The following ADAP1 variants were observed in gnomAD, a reference collection of about 807,000 sequenced individuals.
ADAP1 encodes the protein ArfGAP with dual PH domains 1, also known as arf-GAP with dual PH domain-containing protein 1.
Under a neutral mutation model 54.9 loss-of-function variants are expected in ADAP1, and 31 were observed. The observed-to-expected ratio is 0.56, with a 90% CI of 0.42 to 0.76. The LOEUF is 0.76. Among genes scored for constraint, ADAP1 ranks in the 30% least tolerant of loss-of-function variants. The pLI is 0.00. For missense variants in ADAP1, 535 were observed against 512.4 expected (o/e 1.04, Z -0.42); for synonymous variants, 313 against 202.6 (o/e 1.55, Z -4.63).
At chr7:906,505 GAGAAAGGA>G (rs1473987015) in intron 4 of ADAP1, among the ~76,000 whole-genome samples, 26 of 4,266 alleles carry the variant, frequency 6.1e-3, no homozygotes, top group Admixed American at 9.3e-3. Flanking sequence ...AGGAGAAAGG[GAGAAAGGA>G]GAAAGGAGAA....
At position 906,705 on chromosome 7, in the gene ADAP1, G is replaced by C. The variant is rs555826016; in HGVS notation, c.389-1533C>G. ...GGGGACACGGGGGACATGGACATGG[G>C]GGACGGGACATCGGGGACGGGACAT... On this transcript the variant is annotated intron_variant, in intron 4 of 10. Coordinates refer to ENST00000265846, the MANE Select transcript of ADAP1 (RefSeq NM_006869.4). Among the ~76,000 whole-genome samples, 2 of 32,582 alleles carry C rather than the reference G, an allele frequency of 6.1e-5. 1 individual carries two copies. Among genetic ancestry groups the C allele is most frequent in the African/African-American group, 2.7e-4 (2 of 7,412 alleles). The allele number at this position is 32,582 out of a possible 152,430, so 21.4% of individuals were successfully genotyped here.
chr7:944,104 A>T (rs1259227501), intron 1 of ADAP1, among the ~76,000 whole-genome samples: 3 of 151,894 alleles, frequency 2.0e-5, no homozygotes, highest in Admixed American at 6.6e-5. Flanking sequence ...TTTTGTAGAA[A>T]CAAGGTATTG....
intron 1 of ADAP1, among the ~76,000 whole-genome samples, chr7:944,423 T>G (rs932433051): frequency 6.6e-6 from 1 of 151,716 alleles, no homozygotes. Context: ...CCTGGCTAAT[T>G]TTTGTATTTT....
chr7:900,498 T>C, intron 7 of ADAP1, 35 bp downstream of exon 7: 8 of 1,393,976 alleles, frequency 5.7e-6, no homozygotes, highest in Non-Finnish European at 7.0e-6. Context: ...ACCACCCCTG[T>C]CTGCCCTGGA....
chr7:951,236 G>T (rs1003773333), intron 1 of ADAP1, among the ~76,000 whole-genome samples: 1 of 152,112 alleles, frequency 6.6e-6, no homozygotes, highest in Non-Finnish European at 1.5e-5. Flanking sequence ...AGCCGGGCGT[G>T]GTGGCGGGTG....
In ADAP1 at chr7:905,186, G is replaced by A. The variant is rs1445189384; in HGVS notation, c.389-14C>T. 3 of 1,605,722 alleles carry A rather than the reference G, an allele frequency of 1.9e-6. No homozygotes were observed. The highest frequency in any genetic ancestry group is 2.6e-6 in the Non-Finnish European group (3 of 1,175,884). On this transcript the variant is annotated splice_polypyrimidine_tract_variant and intron_variant, in intron 4 of 10. Transcript: ENST00000265846. ...CCTCACGGTACCCTGTGGGGGAAAG[G>A]GGACACGAGTCGGTGACAGTGGATG...
At chr7:955,021 G>A (rs574978455), upstream of ADAP1, among the ~76,000 whole-genome samples, 1 of 152,312 alleles carries the variant, frequency 6.6e-6, no homozygotes, top group African/African-American at 2.4e-5. Context: ...CTCGTGGAAG[G>A]CAGGTGTGCG....
chr7:930,086 A>G (rs1314661558), intron 2 of ADAP1, among the ~76,000 whole-genome samples: 1 of 129,160 alleles, frequency 7.7e-6, no homozygotes, highest in East Asian at 2.7e-4. Context: ...CCTGGGTGAC[A>G]GAGCAAGACT....
At chr7:921,806 G>A (rs571463829) in intron 3 of ADAP1, among the ~76,000 whole-genome samples, 8 of 152,334 alleles carry the variant, frequency 5.3e-5, no homozygotes, top group Admixed American at 2.6e-4. Context: ...ACCGAAGGCC[G>A]CATGTGTGGA....
chr7:946,886 A>G lies in ADAP1; in HGVS notation c.82+7510T>C, dbSNP rs1357466684. ...CGGGGCGGCTCACGCCTGCAATCTC[A>G]GCACCTGGAGAGGCCAAGGTGAACG... On this transcript the variant is annotated intron_variant, in intron 1 of 10. Transcript: ENST00000265846. The surrounding 1 kb of genome is among the most constrained non-coding windows in gnomAD (Gnocchi z 4.3). 1.3e-5 allele frequency among the ~76,000 whole-genome samples: 2 copies of G among 152,218 alleles called. No homozygotes were observed. The highest frequency in any genetic ancestry group is 4.8e-5 in the African/African-American group (2 of 41,460).
At chr7:925,361 T>A (rs1465877735) in intron 3 of ADAP1, among the ~76,000 whole-genome samples, 19 of 111,336 alleles carry the variant, frequency 1.7e-4, no homozygotes, top group African/African-American at 2.4e-4. Flanking sequence ...TCTCTATATT[T>A]AAAAAAAAAA....
chr7:939,781 A>T (rs1387877835), intron 1 of ADAP1, among the ~76,000 whole-genome samples: 1 of 151,526 alleles, frequency 6.6e-6, no homozygotes, highest in African/African-American at 2.4e-5. Context: ...CAGTGAGCCG[A>T]GATCGTGCCA....
At chr7:904,053 C>T in intron 6 of ADAP1, 73 bp downstream of exon 6, 9 of 1,591,002 alleles carry the variant, frequency 5.7e-6, no homozygotes, top group Non-Finnish European at 7.7e-6. Flanking sequence ...CAAGCACCCA[C>T]CTTCCTGCGC....
At chr7:915,242 G>A (rs1845886357) in intron 4 of ADAP1, among the ~76,000 whole-genome samples, 1 of 151,898 alleles carries the variant, frequency 6.6e-6, no homozygotes, top group South Asian at 2.1e-4. Flanking sequence ...TGCACACCTC[G>A]CCTGTGCATC....
intron 2 of ADAP1, among the ~76,000 whole-genome samples, chr7:932,581 G>A (rs1234052245): frequency 6.6e-6 from 1 of 152,190 alleles, no homozygotes; most frequent in Admixed American, 6.5e-5. Context: ...GTTGTCCGGG[G>A]AGGGGGATGG....
intron 1 of ADAP1, among the ~76,000 whole-genome samples, chr7:941,956 TC>T (rs1467745062): frequency 2.0e-5 from 3 of 152,146 alleles, no homozygotes; most frequent in African/African-American, 7.2e-5. Context: ...GATAAACGGA[TC>T]AATGGAACAG....
At chr7:934,518 G>T (rs1846686121) in intron 2 of ADAP1, among the ~76,000 whole-genome samples, 1 of 152,218 alleles carries the variant, frequency 6.6e-6, no homozygotes, top group Admixed American at 6.5e-5. Context: ...CGGCCCTTCG[G>T]TCCCACTCAC....
At chr7:905,412 G>GA (rs1845119236) in intron 4 of ADAP1, 1 of 150,482 alleles carries the variant, frequency 6.6e-6, no homozygotes, top group Non-Finnish European at 1.1e-5. Flanking sequence ...AAGGAGAAAG[G>GA]GAGAAAGAGA....
At chr7:901,637 C>G (rs1159488818) in intron 6 of ADAP1, among the ~76,000 whole-genome samples, 1 of 151,316 alleles carries the variant, frequency 6.6e-6, no homozygotes, top group Non-Finnish European at 1.5e-5. Flanking sequence ...CAGCAAAGCC[C>G]CACCCACCCC....
Sources: gnomAD v4.1 joint callset for allele counts (sites outside exome capture counted in the v4.1 genomes callset) on GRCh38, gnomAD v4.1.1 for gene constraint, Gnocchi (gnomAD v3.1) non-coding constraint, MANE v1.5 for transcripts, NCBI Gene and HGNC (gene_info 2026-07-23, HGNC 2026-07-21) for gene names.